Variants in TRO observed in about 807,000 individuals in gnomAD.
The protein encoded by TRO is trophinin.
A neutral mutation model predicts 42.3 loss-of-function variants in TRO; 29 were observed. That is an observed-to-expected ratio of 0.68 (90% CI 0.51 to 0.93). TRO has a LOEUF of 0.93. Ranked by LOEUF, TRO falls within the 40% of genes least tolerant of loss-of-function variation. TRO has a pLI of 0.00. For missense variants in TRO, 963 were observed against 1,127.7 expected, an observed-to-expected ratio of 0.85 and a Z score of 2.09; for synonymous variants, 384 against 425.2, an observed-to-expected ratio of 0.90 and a Z score of 1.19.
chrX:54,923,662 C>T lies in TRO; in HGVS notation c.1130C>T (p.Ala377Val). 1 of 1,211,282 alleles carries T rather than the reference C, an allele frequency of 8.3e-7. No homozygotes were observed. The highest frequency in any genetic ancestry group is 1.1e-6 in the Non-Finnish European group (1 of 895,100). The change falls in exon 3 of 13, where the codon GCC becomes GTC. Residue 377 changes from alanine to valine, a missense_variant. By Grantham distance (64) the Ala-to-Val change is moderately conservative. Transcript: ENST00000173898. ...KIASAQTNVS[A>V]LETQVAAAVQ... Reference sequence around the variant, plus strand: ...GCCTCTGCTCAGACCAACGTAAGTGCCCTTGAGACTCAGGTTGCTGCTGCT... The same window carrying T: ...GCCTCTGCTCAGACCAACGTAAGTGTCCTTGAGACTCAGGTTGCTGCTGCT...
At chrX:54,926,945 C>A in intron 9 of TRO, 98 bp from the exon 10 acceptor site, 1 of 980,716 alleles carries the variant, frequency 1.0e-6, no homozygotes, top group Non-Finnish European at 1.4e-6. Context: ...TTGAGACTGC[C>A]CCATGTGCTA....
Position 54,929,039 on chromosome X carries a change from C to G in TRO, c.2315C>G (p.Thr772Arg). 1 of 1,212,053 alleles carries G rather than the reference C, an allele frequency of 8.3e-7. No homozygotes were observed. The highest frequency in any genetic ancestry group is 1.8e-5 in the South Asian group (1 of 57,028). ...AGCACCAGTGCCAGCTTCAGCAATACAGCCAGCATTAGCTTTGGTGGTACA... is the reference window on the plus strand; with the variant it reads ...AGCACCAGTGCCAGCTTCAGCAATAGAGCCAGCATTAGCTTTGGTGGTACA... ...APSTSASFSN[T>R]ASISFGGTLS... Residue 772 changes from threonine (T) to arginine (R), a missense_variant, in exon 12 of 13, where the codon ACA (threonine) becomes AGA (arginine). Transcript: ENST00000173898.
intron 7 of TRO, among the ~76,000 whole-genome samples, 170 bp downstream of exon 7, chrX:54,925,853 C>T (rs1032393272): frequency 8.9e-6 from 1 of 111,939 alleles, no homozygotes; most frequent in Admixed American, 9.5e-5. Flanking sequence ...AGTAGTGGCA[C>T]CTGATTATGA....
At position 54,922,049 on chromosome X, in the gene TRO, G is replaced by C. The variant is rs112522934; in HGVS notation, c.-44-154G>C. 2.0e-5 allele frequency: 8 copies of C among 406,284 alleles called. No homozygotes were observed. The African/African-American group carries it at 2.0e-4, about 10-fold the overall frequency. The allele number at this position is 406,284 out of a possible 1,213,427, so 33.5% of individuals were successfully genotyped here. ...GAACTGACTCTCTCGGAGGCAAAAGGAGCTGGGCCTTGGAAACCAGATGGC... is the reference window on the plus strand; with the variant it reads ...GAACTGACTCTCTCGGAGGCAAAAGCAGCTGGGCCTTGGAAACCAGATGGC... On this transcript the variant is annotated intron_variant, in intron 1 of 12. Coordinates refer to ENST00000173898, the MANE Select transcript of TRO (RefSeq NM_001039705.3).
At position 54,929,364 on chromosome X, in the gene TRO, T is replaced by G. The variant is rs1391072685; in HGVS notation, c.2640T>G (p.Ser880Arg). 8.2e-7 allele frequency: 1 copy of G among 1,212,191 alleles called. No homozygotes were observed. Among genetic ancestry groups the G allele is most frequent in the East Asian group, 3.0e-5 (1 of 33,846 alleles). The change falls in exon 12 of 13, where the codon AGT becomes AGG. Residue 880 changes from serine to arginine, a missense_variant. Around this residue, in one of 2 missense-constraint regions of TRO, gnomAD observed 641 missense variants for 811.3 expected, o/e 0.79. Coordinates refer to ENST00000173898, the MANE Select transcript of TRO (RefSeq NM_001039705.3). Reference protein sequence around the residue: ...GSAPTTSTVFSSALSTSTGFG... With the variant: ...GSAPTTSTVFRSALSTSTGFG... ...CACCCACAACGAGCACAGTCTTCAG[T>G]AGTGCGCTTAGCACCAGCACTGGCT... is the stretch of plus-strand genomic sequence containing the variant.
Position 54,922,682 on chromosome X carries a change from G to A in TRO, c.150G>A (p.Ala50=), listed in dbSNP as rs889922238. The A allele has an allele frequency of 5.0e-6, 6 of 1,208,989 alleles. No homozygotes were observed. Among genetic ancestry groups the A allele is most frequent in the African/African-American group, 1.8e-5 (1 of 56,883 alleles). Residue 50 remains alanine, a synonymous_variant, in exon 3 of 13, where the codon GCG becomes GCA. Coordinates refer to ENST00000173898, the MANE Select transcript of TRO (RefSeq NM_001039705.3). Reference sequence around the variant, plus strand: ...TCCTGCTGATGCATACCCTGTTGGCGGCAACCAAGGACTCCCTGGCCATGG... The same window carrying A: ...TCCTGCTGATGCATACCCTGTTGGCAGCAACCAAGGACTCCCTGGCCATGG... The part of the protein sequence containing the change: ...DSVLLMHTLL[A]ATKDSLAMDP...
chrX:54,922,332 C>T (rs1459284070), intron 2 of TRO, 41 bp downstream of exon 2: 3 of 1,181,084 alleles, frequency 2.5e-6, no homozygotes, highest in Admixed American at 2.2e-5. Context: ...TCTGCCCCAT[C>T]CTGAGTTCAC....
At position 54,922,268 on chromosome X, in the gene TRO, G is replaced by A. The variant is rs767042926; in HGVS notation, c.22G>A (p.Gly8Arg). 28 of 1,207,163 alleles carry A rather than the reference G, an allele frequency of 2.3e-5. No individual in the cohort carries two copies. The highest frequency in any genetic ancestry group is 2.0e-4 in the South Asian group (11 of 55,835). The change falls in exon 2 of 13, where the codon GGA becomes AGA. Residue 8 changes from glycine to arginine, a missense_variant. Gly to Arg is a moderately radical substitution (Grantham distance 125, BLOSUM62 -2). Transcript: ENST00000173898. ...AAAGATGGATAGGAGAAATGACTAC[G>A]GATATAGGGTGCCTCTATTTCAGGT... MDRRNDY[G>R]YRVPLFQGPL...
chrX:54,923,396 T>A lies in TRO; in HGVS notation c.864T>A (p.Ile288=). Residue 288 remains isoleucine (I), a synonymous_variant, in exon 3 of 13, where the codon ATT becomes ATA. Coordinates refer to ENST00000173898, the MANE Select transcript of TRO (RefSeq NM_001039705.3). The stretch of plus-strand genomic sequence containing the variant: ...TCACTGACGCAGCTACCAGGCAGAT[T>A]GAGGCCTCAGTAGTGGCTATCAGGC... The part of the protein sequence containing the change: ...LNVTDAATRQ[I]EASVVAIRPK... The A allele has an allele frequency of 8.3e-7, 1 of 1,203,139 alleles. No homozygotes were observed. Among genetic ancestry groups the A allele is most frequent in the Non-Finnish European group, 1.1e-6 (1 of 890,843 alleles).
Position 54,928,848 on chromosome X carries a change from G to C in TRO, c.2124G>C (p.Glu708Asp), listed in dbSNP as rs761403585. The C allele has an allele frequency of 8.3e-6, 10 of 1,211,753 alleles. No homozygotes were observed. Among genetic ancestry groups the C allele is most frequent in the Non-Finnish European group, 2.2e-6 (2 of 895,417 alleles). ...QAWSRFSFEI[E>D]ARAQENADAS... ...GGAGCAGATTTTCATTTGAAATTGA[G>C]GCCAGAGCCCAAGAAAATGCAGATG... Residue 708 changes from glutamate (E) to aspartate (D), a missense_variant, in exon 12 of 13, where the codon GAG becomes GAC. Physicochemically the swap from Glu to Asp is conservative, Grantham distance 45. Transcript: ENST00000173898.
chrX:54,930,954 G>A lies in TRO; in HGVS notation c.4230G>A (p.Pro1410=), dbSNP rs1933123310. The change falls in exon 12 of 13, where the codon CCG becomes CCA. Residue 1410 remains proline, a synonymous_variant. Coordinates refer to ENST00000173898, the MANE Select transcript of TRO (RefSeq NM_001039705.3). ...PNTGAGFGGG[P]STSAGFGSGA... is the part of the protein sequence containing the mutation. ...CTGGTGCTGGCTTTGGTGGTGGACCGAGCACCAGTGCTGGCTTTGGCAGTG... is the reference window on the plus strand; with the variant it reads ...CTGGTGCTGGCTTTGGTGGTGGACCAAGCACCAGTGCTGGCTTTGGCAGTG... The A allele has an allele frequency of 8.3e-7, 1 of 1,205,122 alleles. No individual in the cohort carries two copies. The highest frequency in any genetic ancestry group is 1.1e-6 in the Non-Finnish European group (1 of 891,578).
chrX:54,928,616 A>G lies in TRO; in HGVS notation c.1892A>G (p.Asp631Gly). 1.7e-6 allele frequency: 2 copies of G among 1,145,621 alleles called. No homozygotes were observed. The highest frequency in any genetic ancestry group is 1.2e-6 in the Non-Finnish European group (1 of 864,800). The allele number at this position is 1,145,621 out of a possible 1,213,427, so 94.4% of individuals were successfully genotyped here. A position where few individuals can be genotyped will look rare whatever the true frequency, so the allele number is the denominator to read the frequency against. The part of the protein sequence containing the change: ...LKFACRVQKK[D>G]PKDWAVQYRE... Reference sequence around the variant, plus strand: ...TCCCCATTTCAGGTGCAGAAGAAAGACCCCAAGGACTGGGCTGTGCAGTAC... The same window carrying G: ...TCCCCATTTCAGGTGCAGAAGAAAGGCCCCAAGGACTGGGCTGTGCAGTAC... The change falls in exon 12 of 13, where the codon GAC (aspartate) becomes GGC (glycine). Residue 631 changes from aspartate to glycine, a missense_variant. Around this residue, in one of 2 missense-constraint regions of TRO, gnomAD observed 641 missense variants for 811.3 expected, o/e 0.79. Coordinates refer to ENST00000173898, the MANE Select transcript of TRO (RefSeq NM_001039705.3).
chrX:54,923,706 G>C lies in TRO; in HGVS notation c.1174G>C (p.Asp392His). The C allele has an allele frequency of 8.3e-7, 1 of 1,211,379 alleles. No individual in the cohort carries two copies. The highest frequency in any genetic ancestry group is 1.1e-6 in the Non-Finnish European group (1 of 895,195). The change falls in exon 3 of 13, where the codon GAC (aspartate) becomes CAC (histidine). Residue 392 changes from aspartate (D) to histidine (H), a missense_variant. Physicochemically the swap from Asp to His is moderately conservative, Grantham distance 81 (BLOSUM62 -1). Transcript: ENST00000173898. Reference sequence around the variant, plus strand: ...TGCTGCTGTCCAGGCCCTGGCAGATGACTATCTGGCTCAGTTGAGCCTGGA... The same window carrying C: ...TGCTGCTGTCCAGGCCCTGGCAGATCACTATCTGGCTCAGTTGAGCCTGGA... Reference protein sequence around the residue: ...VAAAVQALADDYLAQLSLEPT... With the variant: ...VAAAVQALADHYLAQLSLEPT...
chrX:54,924,753 C>T lies in TRO; in HGVS notation c.1405+20C>T. On this transcript the variant is annotated intron_variant, in intron 5 of 12. Coordinates refer to ENST00000173898, the MANE Select transcript of TRO (RefSeq NM_001039705.3). ...GCTCAGGTAGTGTCCTACCAACCCT[C>T]CTCCTTGAGCTCTCCTCTCCACTCC... 8.3e-7 allele frequency: 1 copy of T among 1,200,337 alleles called. No homozygotes were observed. The highest frequency in any genetic ancestry group is 1.1e-6 in the Non-Finnish European group (1 of 885,215).
chrX:54,925,790 AG>A lies in TRO; in HGVS notation c.1577+110del, dbSNP rs1299809397. 1.5e-5 allele frequency: 10 copies of A among 673,785 alleles called. No homozygotes were observed. The Admixed American group carries it at 3.4e-4, about 23-fold the overall frequency. The allele number at this position is 673,785 out of a possible 1,213,427, so 55.5% of individuals were successfully genotyped here. On this transcript the variant is annotated intron_variant, in intron 7 of 12. Transcript: ENST00000173898. ...ATCCTCTTAGAGAGTCAGGAAAAACAGGGTCTCAAAAGCCCTGTCTCAGCAC... is the reference window on the plus strand; with the variant it reads ...ATCCTCTTAGAGAGTCAGGAAAAACAGGTCTCAAAAGCCCTGTCTCAGCAC...
chrX:54,925,096 G>A (rs751757235), intron 6 of TRO, 28 bp downstream of exon 6: 36 of 1,169,565 alleles, frequency 3.1e-5, no homozygotes, highest in Non-Finnish European at 3.5e-6. Flanking sequence ...GCGGATGGGC[G>A]CAATGGGGAA....
At chrX:54,925,526 C>A (rs756940618) in intron 6 of TRO, 66 bp from the exon 7 acceptor site, 2 of 977,625 alleles carry the variant, frequency 2.0e-6, no homozygotes, top group Non-Finnish European at 2.9e-6. Flanking sequence ...TTTTAGGATG[C>A]CCGGAAAGTT....
chrX:54,925,079 A>G lies in TRO; in HGVS notation c.1485+11A>G, dbSNP rs1485134350. On this transcript the variant is annotated intron_variant, in intron 6 of 12. Coordinates refer to ENST00000173898, the MANE Select transcript of TRO (RefSeq NM_001039705.3). Reference sequence around the variant, plus strand: ...TACACTCTGGAGAAGGTGAAGGGGCAGTGCTGGCGGATGGGCGCAATGGGG... The same window carrying G: ...TACACTCTGGAGAAGGTGAAGGGGCGGTGCTGGCGGATGGGCGCAATGGGG... 8.3e-7 allele frequency: 1 copy of G among 1,205,239 alleles called. No homozygotes were observed. The highest frequency in any genetic ancestry group is 1.8e-5 in the South Asian group (1 of 56,025).
chrX:54,922,629 C>T lies in TRO; in HGVS notation c.97C>T (p.Gln33Ter). 8.3e-7 allele frequency: 1 copy of T among 1,211,256 alleles called. No individual in the cohort carries two copies. The highest frequency in any genetic ancestry group is 1.1e-6 in the Non-Finnish European group (1 of 895,340). ...SLGLPFPPDI[Q>*]TETTEEDSVL... ...GGGGCTTCCCTTCCCTCCAGATATA[C>T]AGACTGAGACCACAGAAGAGGACAG... Residue 33 changes from glutamine (Q) to a stop codon, truncating the protein, a stop_gained, in exon 3 of 13, where the codon CAG (glutamine) becomes TAG (stop). Transcript: ENST00000173898. LOFTEE classifies it high-confidence loss of function.
Sources: gnomAD v4.1 joint callset for allele counts (sites outside exome capture counted in the v4.1 genomes callset) on GRCh38, gnomAD v4.1.1 for gene constraint, gnomAD v4.1.1 regional missense constraint, MANE v1.5 for transcripts, NCBI Gene and HGNC (gene_info 2026-07-23, HGNC 2026-07-21) for gene names.